Variants in SH3RF1 observed in about 807,000 individuals in gnomAD.
SH3RF1 encodes the protein SH3 domain containing ring finger 1.
A neutral mutation model predicts 74.0 loss-of-function variants in SH3RF1; 32 were observed. That is an observed-to-expected ratio of 0.43 (90% CI 0.33 to 0.58). The LOEUF (loss-of-function observed/expected upper bound fraction) is 0.58. Ranked by LOEUF, SH3RF1 falls within the 20% of genes least tolerant of loss-of-function variation. The pLI, the probability that SH3RF1 is intolerant of heterozygous loss-of-function variation, is 0.05. For synonymous variants in SH3RF1, 396 were observed against 439.6 expected (o/e 0.90, Z 1.24); for missense variants, 954 against 1,130.9 (o/e 0.84, Z 2.24).
In SH3RF1 at chr4:169,130,160, C is replaced by A; in HGVS notation, c.1069-4G>T. ...ACCCGGTGGTACTTATATGAACCTG[C>A]CGAGAAAAGAAAAGTTATTAAAAAG... On this transcript the variant is annotated splice_polypyrimidine_tract_variant and splice_region_variant and intron_variant, in intron 5 of 11. Coordinates refer to ENST00000284637, the MANE Select transcript of SH3RF1 (RefSeq NM_020870.4). 1.3e-6 allele frequency: 2 copies of A among 1,544,474 alleles called. No individual in the cohort carries two copies. Among genetic ancestry groups the A allele is most frequent in the Non-Finnish European group, 1.7e-6 (2 of 1,153,284 alleles).
chr4:169,154,780 G>C (rs1344251283), intron 4 of SH3RF1, among the ~76,000 whole-genome samples: 1 of 152,144 alleles, frequency 6.6e-6, no homozygotes. Context: ...TTTTCAGCAA[G>C]AAATTCTTAT....
intron 6 of SH3RF1, among the ~76,000 whole-genome samples, chr4:169,123,198 T>A (rs1733468948): frequency 6.6e-6 from 1 of 152,154 alleles, no homozygotes; most frequent in Non-Finnish European, 1.5e-5. Flanking sequence ...AAAATAAAGA[T>A]CCAATGATTT....
chr4:169,194,448 A>C (rs1478420236), intron 2 of SH3RF1, among the ~76,000 whole-genome samples: 1 of 152,126 alleles, frequency 6.6e-6, no homozygotes, highest in Non-Finnish European at 1.5e-5. Flanking sequence ...GCCTTTTAAA[A>C]TGTTATTTAA....
chr4:169,184,962 T>G (rs1734579360), intron 2 of SH3RF1, among the ~76,000 whole-genome samples: 1 of 152,170 alleles, frequency 6.6e-6, no homozygotes, highest in South Asian at 2.1e-4. Flanking sequence ...AATAGTGAAG[T>G]TACAGGACCA....
intron 2 of SH3RF1, among the ~76,000 whole-genome samples, chr4:169,236,398 A>T (rs909899714): frequency 1.3e-5 from 2 of 152,144 alleles, no homozygotes; most frequent in African/African-American, 2.4e-5. Context: ...TCCCTCTGCC[A>T]ATCCACACAA....
intron 4 of SH3RF1, among the ~76,000 whole-genome samples, chr4:169,151,036 G>A (rs189296167): frequency 3.2e-4 from 49 of 152,286 alleles, no homozygotes; most frequent in Non-Finnish European, 5.4e-4. Context: ...AGTGAATGAT[G>A]GGAGAATTAG....
chr4:169,125,213 T>TA (rs1733506009), intron 6 of SH3RF1, among the ~76,000 whole-genome samples: 1 of 152,036 alleles, frequency 6.6e-6, no homozygotes, highest in South Asian at 2.1e-4. Context: ...AAAAAAAACA[T>TA]AGATTCCAAC....
intron 2 of SH3RF1, among the ~76,000 whole-genome samples, chr4:169,261,865 A>C (rs893278566): frequency 6.6e-6 from 1 of 152,124 alleles, no homozygotes; most frequent in African/African-American, 2.4e-5. Context: ...CTACTATTAC[A>C]TTTCTTACCA....
At chr4:169,152,711 T>A (rs1049445082) in intron 4 of SH3RF1, among the ~76,000 whole-genome samples, 2 of 152,174 alleles carry the variant, frequency 1.3e-5, no homozygotes, top group African/African-American at 2.4e-5. Context: ...CACTCCAGCC[T>A]GCGCAACAAG....
Position 169,180,191 on chromosome 4 carries a change from C to T in SH3RF1, c.394-23512G>A, listed in dbSNP as rs72985095. 8.4e-3 allele frequency among the ~76,000 whole-genome samples: 1,276 copies of T among 152,236 alleles called. 20 individuals carry two copies. Among genetic ancestry groups the T allele is most frequent in the African/African-American group, 0.03 (1,229 of 41,538 alleles). On this transcript the variant is annotated intron_variant, in intron 2 of 11. Transcript: ENST00000284637. Reference sequence around the variant, plus strand: ...AGGCTTTAACTGATTCTTTCCTTTCCAATTTCTAATACAGTATGTCCCAAC... The same window carrying T: ...AGGCTTTAACTGATTCTTTCCTTTCTAATTTCTAATACAGTATGTCCCAAC...
chr4:169,247,665 G>A (rs1398236764), intron 2 of SH3RF1, among the ~76,000 whole-genome samples: 1 of 152,168 alleles, frequency 6.6e-6, no homozygotes, highest in Non-Finnish European at 1.5e-5. Flanking sequence ...AAGGGGTTGT[G>A]GATCTTGCGA....
intron 2 of SH3RF1, among the ~76,000 whole-genome samples, chr4:169,211,507 G>T (rs1419115943): frequency 6.8e-6 from 1 of 146,576 alleles, no homozygotes; most frequent in Non-Finnish European, 1.5e-5. Flanking sequence ...AAAAGAAGAA[G>T]AAACTAAATC....
chr4:169,203,413 C>T (rs1042524367), intron 2 of SH3RF1, among the ~76,000 whole-genome samples: 21 of 151,986 alleles, frequency 1.4e-4, no homozygotes, highest in African/African-American at 3.9e-4. Flanking sequence ...TAGCCAGGCA[C>T]GGTGGTGTGC....
intron 2 of SH3RF1, among the ~76,000 whole-genome samples, chr4:169,208,303 T>G: frequency 6.6e-6 from 1 of 152,222 alleles, no homozygotes; most frequent in African/African-American, 2.4e-5. Context: ...GGAATTTCAT[T>G]CATCCTTTTG....
At chr4:169,205,559 T>G (rs911314919) in intron 2 of SH3RF1, among the ~76,000 whole-genome samples, 1 of 152,218 alleles carries the variant, frequency 6.6e-6, no homozygotes, top group African/African-American at 2.4e-5. Context: ...AGTGCAGCAC[T>G]GAGCATATCC....
intron 2 of SH3RF1, among the ~76,000 whole-genome samples, chr4:169,164,003 T>A (rs2126969164): frequency 6.6e-6 from 1 of 152,330 alleles, no homozygotes; most frequent in East Asian, 1.9e-4. Flanking sequence ...AGCCACTACT[T>A]GTCCATCAGG....
intron 2 of SH3RF1, among the ~76,000 whole-genome samples, chr4:169,232,151 G>C (rs1271130049): frequency 2.6e-5 from 4 of 152,200 alleles, no homozygotes; most frequent in African/African-American, 9.7e-5. Flanking sequence ...ACGAGCGCTA[G>C]TAAGCACCTG....
intron 4 of SH3RF1, 140 bp downstream of exon 4, chr4:169,155,340 C>A (rs978773540): frequency 2.8e-5 from 17 of 614,634 alleles, no homozygotes; most frequent in African/African-American, 7.5e-5. Context: ...AGGAATTCTT[C>A]CTGATCTGTC....
intron 2 of SH3RF1, among the ~76,000 whole-genome samples, chr4:169,170,268 AT>A (rs1215533657): frequency 6.6e-6 from 1 of 152,088 alleles, no homozygotes; most frequent in Non-Finnish European, 1.5e-5. Context: ...AAAATGACAC[AT>A]TTTTTTCTGT....
Sources: allele counts gnomAD v4.1 joint callset (sites outside exome capture counted in the v4.1 genomes callset), GRCh38; gene constraint gnomAD v4.1.1; transcripts MANE v1.5; gene names NCBI Gene and HGNC (gene_info 2026-07-23, HGNC 2026-07-21).